Variants in PRPF6 observed in about 807,000 individuals in gnomAD.
PRPF6 encodes the protein pre-mRNA-processing factor 6.
Under a neutral mutation model 118.3 loss-of-function variants are expected in PRPF6, and 42 were observed. The ratio of observed to expected loss-of-function variants is 0.35; its 90% confidence interval spans 0.28 to 0.46. The LOEUF is 0.46. Ranked by LOEUF, PRPF6 falls within the 20% of genes least tolerant of loss-of-function variation. The probability of loss-of-function intolerance (pLI) is 1.00; values close to 1 mark genes in which losing one functional copy is unlikely to be tolerated. For missense variants in PRPF6, 662 were observed against 1,255.7 expected (o/e 0.53, Z 7.15); for synonymous variants, 481 against 485.1 (o/e 0.99, Z 0.11).
At chr20:63,994,852 G>A in intron 4 of PRPF6, 64 bp from the exon 5 acceptor site, 1 of 1,602,496 alleles carries the variant, frequency 6.2e-7, no homozygotes, top group African/African-American at 1.3e-5. Flanking sequence ...AGAGGGCATG[G>A]TCCTACCTGG....
chr20:63,986,824 A>T (rs1235085384), intron 3 of PRPF6, among the ~76,000 whole-genome samples: 1 of 151,802 alleles, frequency 6.6e-6, no homozygotes, highest in Non-Finnish European at 1.5e-5. Flanking sequence ...GCATTTGATA[A>T]GATTCAACAT....
intron 3 of PRPF6, among the ~76,000 whole-genome samples, chr20:63,988,868 CAAAA>C (rs906923186): frequency 1.0e-5 from 1 of 97,210 alleles, no homozygotes; most frequent in East Asian, 2.7e-4. Flanking sequence ...GACTCCGTCT[CAAAA>C]AAAAAAAAAG....
chr20:64,020,760 T>G (rs999463531), intron 12 of PRPF6, among the ~76,000 whole-genome samples: 2 of 151,880 alleles, frequency 1.3e-5, no homozygotes, highest in Non-Finnish European at 2.9e-5. Context: ...TAACTTTTTA[T>G]CGTGGTAAAT....
In PRPF6 at chr20:64,029,972, C is replaced by T. The variant is rs1485125330; in HGVS notation, c.2546+481C>T. ...CCGGGTCAGAGACTCACTGGGGACG[C>T]GTGTGATTCACACTGGTGCGCTGGC... is the stretch of plus-strand genomic sequence containing the variant. On this transcript the variant is annotated intron_variant, in intron 19 of 20. Coordinates refer to ENST00000266079, the MANE Select transcript of PRPF6 (RefSeq NM_012469.4). This position sits in a 1 kb window ranked among gnomAD's most constrained non-coding sequence, Gnocchi z 4.8. Among the ~76,000 whole-genome samples, 4 of 152,094 alleles carry T rather than the reference C, an allele frequency of 2.6e-5. No homozygotes were observed. The highest frequency in any genetic ancestry group is 4.8e-5 in the African/African-American group (2 of 41,392).
intron 9 of PRPF6, among the ~76,000 whole-genome samples, chr20:64,009,278 G>A (rs1477178722): frequency 5.4e-5 from 3 of 55,694 alleles, no homozygotes; most frequent in Non-Finnish European, 8.9e-5. Context: ...AGACTCCATC[G>A]CAAAAAAAAA....
chr20:64,004,777 G>T (rs936744719), intron 9 of PRPF6, among the ~76,000 whole-genome samples: 1 of 152,216 alleles, frequency 6.6e-6, no homozygotes, highest in Non-Finnish European at 1.5e-5. Context: ...AGAGTCCCCT[G>T]GGGAGGCCCG....
chr20:63,986,550 G>A (rs182621371), intron 3 of PRPF6, among the ~76,000 whole-genome samples: 7,414 of 146,322 alleles, frequency 0.051, 255 homozygotes, highest in Non-Finnish European at 0.076. Flanking sequence ...GTGCAGTGGC[G>A]CAATCTCAGC....
At position 63,984,422 on chromosome 20, in the gene PRPF6, GA is replaced by G. The variant is rs35673720; in HGVS notation, c.241-471del. Among the ~76,000 whole-genome samples, 1,200 of 133,260 alleles carry G rather than the reference GA, an allele frequency of 9.0e-3. 28 individuals are homozygous for G. In the East Asian group the frequency reaches 0.11, roughly 12 times the overall value. The allele number at this position is 133,260 out of a possible 152,430, so 87.4% of individuals were successfully genotyped here. Reference sequence around the variant, plus strand: ...GGCGAGAGTGCGAGACTCTGTCTCAGAAAAAAAAAAAAAATTAGTTTTGAAA... The same window carrying G: ...GGCGAGAGTGCGAGACTCTGTCTCAGAAAAAAAAAAAAATTAGTTTTGAAA... On this transcript the variant is annotated intron_variant, in intron 2 of 20. Transcript: ENST00000266079.
intron 12 of PRPF6, among the ~76,000 whole-genome samples, chr20:64,020,847 C>T (rs1279941327): frequency 2.7e-5 from 4 of 147,192 alleles, no homozygotes; most frequent in East Asian, 2.0e-4. Flanking sequence ...AGCGCAATGG[C>T]GCAATCTTGG....
At position 64,002,242 on chromosome 20, in the gene PRPF6, C is replaced by T. The variant is rs530776584; in HGVS notation, c.1186+1003C>T. ...TTCACTGTGTTATCCAGGATGGTCT[C>T]GATCTCTTGGCCTTGTGATCTGCCT... is the stretch of plus-strand genomic sequence containing the variant. On this transcript the variant is annotated intron_variant, in intron 9 of 20. Transcript: ENST00000266079. Among the ~76,000 whole-genome samples the T allele has an allele frequency of 1.3e-4, 19 of 151,490 alleles. No individual in the cohort carries two copies. In the South Asian group the frequency reaches 2.3e-3, roughly 18 times the overall value.
chr20:63,991,337 G>A (rs1268111619), intron 3 of PRPF6, among the ~76,000 whole-genome samples: 1 of 151,682 alleles, frequency 6.6e-6, no homozygotes, highest in Non-Finnish European at 1.5e-5. Flanking sequence ...CAGGAGCATC[G>A]CTTGAGCCTA....
In PRPF6 at chr20:63,981,168, G is replaced by C; in HGVS notation, c.-78G>C. 1.4e-6 allele frequency: 2 copies of C among 1,467,826 alleles called. No homozygotes were observed. Among genetic ancestry groups the C allele is most frequent in the Non-Finnish European group, 1.9e-6 (2 of 1,070,676 alleles). 90.9% of individuals were successfully genotyped at this position (1,467,826 alleles called of 1,614,324 possible). A position where few individuals can be genotyped will look rare whatever the true frequency, so the allele number is the denominator to read the frequency against. On this transcript the variant is annotated 5_prime_UTR_variant, in exon 1 of 21. Coordinates refer to ENST00000266079, the MANE Select transcript of PRPF6 (RefSeq NM_012469.4). ...TTTGCTACGGAGTGCATCGGACGTC[G>C]AAGCCTAGAGTCTCTGCGTCTTTCC...
chr20:64,013,051 A>G (rs1053129160), intron 11 of PRPF6, among the ~76,000 whole-genome samples: 1 of 143,778 alleles, frequency 7.0e-6, no homozygotes, highest in African/African-American at 2.6e-5. Flanking sequence ...TGCAACCTCC[A>G]CCTCTTGGGT....
At chr20:64,015,074 CTGT>C (rs931494208) in intron 11 of PRPF6, among the ~76,000 whole-genome samples, 28 of 152,230 alleles carry the variant, frequency 1.8e-4, no homozygotes, top group African/African-American at 6.7e-4. Context: ...TTATTTTTGT[CTGT>C]TGTTTTATTA....
chr20:64,001,347 G>C, intron 9 of PRPF6, 108 bp downstream of exon 9: 1 of 1,370,060 alleles, frequency 7.3e-7, no homozygotes, highest in Admixed American at 1.9e-5. Context: ...AGGAACCAGG[G>C]ACATTTTTCA....
Position 64,028,460 on chromosome 20 carries a change from G to T in PRPF6, c.2340-18G>T. On this transcript the variant is annotated intron_variant, in intron 17 of 20. Coordinates refer to ENST00000266079, the MANE Select transcript of PRPF6 (RefSeq NM_012469.4). The surrounding 1 kb of genome is among the most constrained non-coding windows in gnomAD (Gnocchi z 6.5). ...GTTGGTAGACGGCTGTGGGACCTCC[G>T]GGGGCCTGTCTCCTCAGGTTGGAGT... 1 of 1,613,276 alleles carries T rather than the reference G, an allele frequency of 6.2e-7. No individual in the cohort carries two copies. Among genetic ancestry groups the T allele is most frequent in the Non-Finnish European group, 8.5e-7 (1 of 1,179,604 alleles).
chr20:64,021,987 C>CGTGT (rs1569223726), intron 12 of PRPF6, among the ~76,000 whole-genome samples: 8 of 115,314 alleles, frequency 6.9e-5, no homozygotes, highest in African/African-American at 1.2e-4. Flanking sequence ...CGGCCACAGC[C>CGTGT]CTGTGTGTGT....
intron 6 of PRPF6, among the ~76,000 whole-genome samples, chr20:63,997,864 G>A (rs1467415370): frequency 6.6e-6 from 1 of 150,902 alleles, no homozygotes; most frequent in Non-Finnish European, 1.5e-5. Flanking sequence ...CATGAGCCCC[G>A]GCGCCCCGGC....
At chr20:64,022,015 T>TGC (rs1555920145) in intron 12 of PRPF6, among the ~76,000 whole-genome samples, 59 of 144,850 alleles carry the variant, frequency 4.1e-4, no homozygotes, top group Admixed American at 8.9e-4. Flanking sequence ...TGTGTGTGTG[T>TGC]GCATGCACGT....
Sources: gnomAD v4.1 joint callset for allele counts (sites outside exome capture counted in the v4.1 genomes callset) on GRCh38, gnomAD v4.1.1 for gene constraint, Gnocchi (gnomAD v3.1) non-coding constraint, MANE v1.5 for transcripts, NCBI Gene and HGNC (gene_info 2026-07-23, HGNC 2026-07-21) for gene names.